Variants in MED12L observed in about 807,000 individuals in gnomAD.
The protein encoded by MED12L is mediator complex subunit 12L.
A neutral mutation model predicts 281.3 loss-of-function variants in MED12L; 60 were observed. The observed-to-expected ratio is 0.21, with a 90% confidence interval of 0.17 to 0.26. The LOEUF (loss-of-function observed/expected upper bound fraction) is 0.26, where lower values mean the gene tolerates loss of function less well. Ranked by LOEUF, MED12L falls within the 10% of genes least tolerant of loss-of-function variation. The probability of loss-of-function intolerance (pLI) is 1.00; values close to 1 mark genes in which losing one functional copy is unlikely to be tolerated. For missense variants in MED12L, 2,146 were observed against 2,680.9 expected, an observed-to-expected ratio of 0.80 and a Z score of 4.41; for synonymous variants, 974 against 987.2, an observed-to-expected ratio of 0.99 and a Z score of 0.25.
intron 5 of MED12L, among the ~76,000 whole-genome samples, chr3:151,147,055 G>A (rs1384220579): frequency 6.6e-6 from 1 of 152,122 alleles, no homozygotes; most frequent in African/African-American, 2.4e-5. Flanking sequence ...ATTTTATAGG[G>A]TACAACTGAT....
intron 3 of MED12L, among the ~76,000 whole-genome samples, chr3:151,117,095 A>G (rs1322448127): frequency 6.6e-6 from 1 of 152,204 alleles, no homozygotes; most frequent in Non-Finnish European, 1.5e-5. Context: ...TAATTATTCC[A>G]TACGCATGTT....
intron 38 of MED12L, among the ~76,000 whole-genome samples, chr3:151,392,605 A>G (rs1714414837): frequency 6.6e-6 from 1 of 152,160 alleles, no homozygotes; most frequent in Non-Finnish European, 1.5e-5. Flanking sequence ...TATGTACAGC[A>G]TGATTCCATT....
chr3:151,294,529 T>C, intron 16 of MED12L: 1 of 1,614,172 alleles, frequency 6.2e-7, no homozygotes, highest in Non-Finnish European at 8.5e-7. Context: ...GACTTATGAA[T>C]TGCCTGCTGG....
intron 16 of MED12L, chr3:151,270,063 G>GGATGAA (rs199936655): frequency 0.035 from 7,953 of 225,006 alleles, 210 homozygotes; most frequent in Non-Finnish European, 0.046. Flanking sequence ...AAGGGGATAA[G>GGATGAA]GATGAAGATG....
chr3:151,114,708 C>G (rs1319853722), intron 2 of MED12L, among the ~76,000 whole-genome samples: 1 of 150,628 alleles, frequency 6.6e-6, no homozygotes, highest in African/African-American at 2.4e-5. Context: ...TTTAGGAACT[C>G]TGATGTAGTT....
intron 16 of MED12L, among the ~76,000 whole-genome samples, chr3:151,303,654 T>C (rs1378743913): frequency 2.0e-5 from 3 of 152,090 alleles, no homozygotes; most frequent in African/African-American, 7.2e-5. Flanking sequence ...TCCCAGCTAC[T>C]GGGGAGGCTG....
chr3:151,188,526 G>GA, intron 13 of MED12L, 46 bp downstream of exon 13: 1 of 1,503,882 alleles, frequency 6.6e-7, no homozygotes, highest in Middle Eastern at 1.8e-4. Flanking sequence ...ATAAGGGATT[G>GA]ATTTTTTTTT....
chr3:151,124,870 C>G (rs556743924), intron 4 of MED12L, among the ~76,000 whole-genome samples: 1 of 152,224 alleles, frequency 6.6e-6, no homozygotes, highest in South Asian at 2.1e-4. Context: ...TTCATTAACT[C>G]TCACCTGTTC....
chr3:151,204,840 T>C (rs1035856008), intron 16 of MED12L, among the ~76,000 whole-genome samples: 1 of 152,218 alleles, frequency 6.6e-6, no homozygotes, highest in Non-Finnish European at 1.5e-5. Context: ...ATATGTTTAC[T>C]TCCTCGGTTC....
At chr3:151,273,533 G>A (rs1022100190) in intron 16 of MED12L, among the ~76,000 whole-genome samples, 3 of 151,346 alleles carry the variant, frequency 2.0e-5, no homozygotes, top group African/African-American at 7.3e-5. Flanking sequence ...GAGCCACTGC[G>A]CCCGGCCTGA....
chr3:151,281,946 G>A (rs553506339), intron 16 of MED12L, among the ~76,000 whole-genome samples: 14 of 152,250 alleles, frequency 9.2e-5, no homozygotes, highest in African/African-American at 1.2e-4. Context: ...CATCGACTGC[G>A]CATAAATAGC....
intron 16 of MED12L, among the ~76,000 whole-genome samples, chr3:151,268,253 TTA>T (rs10645730): frequency 4.0e-5 from 6 of 151,236 alleles, no homozygotes; most frequent in African/African-American, 1.2e-4. Context: ...CATTTATTAC[TTA>T]TATATATATA....
chr3:151,129,384 C>G (rs10755104), intron 5 of MED12L, among the ~76,000 whole-genome samples: 46,195 of 151,590 alleles, frequency 0.3, 9,062 homozygotes, highest in African/African-American at 0.56. Context: ...GAAGAAATGC[C>G]CAGGAAAAAA....
At chr3:151,089,822 T>C (rs979728000) in intron 2 of MED12L, among the ~76,000 whole-genome samples, 1 of 152,204 alleles carries the variant, frequency 6.6e-6, no homozygotes, top group African/African-American at 2.4e-5. Context: ...CAGACTGTGC[T>C]CAAGCCTTTA....
intron 16 of MED12L, chr3:151,213,380 G>A (rs1727513457): frequency 1.9e-6 from 3 of 1,613,660 alleles, no homozygotes; most frequent in Non-Finnish European, 2.5e-6. Context: ...GCTTTTAATG[G>A]AATGTGCAAT....
chr3:151,087,746 A>T (rs746157477), intron 2 of MED12L, among the ~76,000 whole-genome samples: 8 of 152,196 alleles, frequency 5.3e-5, no homozygotes, highest in Non-Finnish European at 8.8e-5. Flanking sequence ...TGCACCAGCT[A>T]CATTAGCTTC....
chr3:151,283,565 C>A (rs957225587), intron 16 of MED12L, among the ~76,000 whole-genome samples: 1 of 152,226 alleles, frequency 6.6e-6, no homozygotes, highest in African/African-American at 2.4e-5. Flanking sequence ...GTCCCTAATA[C>A]CTCAGTGTTG....
In MED12L at chr3:151,378,193, G is replaced by A. The variant is rs373074315; in HGVS notation, c.4478+20G>A. The A allele has an allele frequency of 5.2e-5, 83 of 1,581,934 alleles. No individual in the cohort carries two copies. The highest frequency in any genetic ancestry group is 6.2e-5 in the Non-Finnish European group (72 of 1,161,444). On this transcript the variant is annotated intron_variant, in intron 31 of 44. Coordinates refer to ENST00000687756, the MANE Select transcript of MED12L (RefSeq NM_001393769.1). ...GAAAAGGTGTGGCTGGAAGATGGGC[G>A]TCTGTGTGAGAGTTTAAAGAATAAT...
At chr3:151,191,744 C>G (rs1371211667) in intron 14 of MED12L, among the ~76,000 whole-genome samples, 1 of 151,938 alleles carries the variant, frequency 6.6e-6, no homozygotes, top group African/African-American at 2.4e-5. Flanking sequence ...CTGTCTGTAC[C>G]AAAAATACAA....
Sources: allele counts gnomAD v4.1 joint callset (sites outside exome capture counted in the v4.1 genomes callset), GRCh38; gene constraint gnomAD v4.1.1; transcripts MANE v1.5; gene names NCBI Gene and HGNC (gene_info 2026-07-23, HGNC 2026-07-21).